The following PRKN variants were observed in gnomAD, a reference collection of about 807,000 sequenced individuals.
The protein encoded by PRKN is parkin RBR E3 ubiquitin protein ligase, also known as E3 ubiquitin-protein ligase parkin.
PRKN carries 56 observed loss-of-function variants against 59.5 expected under a neutral mutation model. The observed-to-expected ratio is 0.94, with a 90% confidence interval of 0.76 to 1.18. The LOEUF is 1.18. Ranked by LOEUF, PRKN falls within the 50% of genes most tolerant of loss-of-function variation. The probability of loss-of-function intolerance (pLI) is 0.00; values close to 1 mark genes in which losing one functional copy is unlikely to be tolerated. For missense variants in PRKN, 657 were observed against 596.4 expected (o/e 1.10, Z -1.06); for synonymous variants, 250 against 222.1 (o/e 1.13, Z -1.12).
At chr6:161,819,900 C>T (rs996213441) in intron 6 of PRKN, among the ~76,000 whole-genome samples, 3 of 152,076 alleles carry the variant, frequency 2.0e-5, no homozygotes, top group Non-Finnish European at 2.9e-5. Context: ...GTAAGAGATA[C>T]TTCAAAGCAT....
chr6:161,732,486 T>C (rs1787762263), intron 7 of PRKN, among the ~76,000 whole-genome samples: 1 of 111,408 alleles, frequency 9.0e-6, no homozygotes, highest in Non-Finnish European at 1.8e-5. Context: ...TTTTTTTTTT[T>C]GTGTGTGTGT....
intron 6 of PRKN, among the ~76,000 whole-genome samples, chr6:161,878,227 T>C (rs1014265912): frequency 2.6e-5 from 4 of 152,166 alleles, no homozygotes; most frequent in Admixed American, 2.6e-4. Flanking sequence ...TAGAAAGAAA[T>C]AAATTTTTAA....
intron 3 of PRKN, among the ~76,000 whole-genome samples, chr6:162,211,977 A>T (rs1482921324): frequency 6.6e-6 from 1 of 152,074 alleles, no homozygotes; most frequent in Non-Finnish European, 1.5e-5. Flanking sequence ...AACATAGATT[A>T]TTTTTTTCCT....
Position 161,470,921 on chromosome 6 carries a change from T to C in PRKN, c.1083+77933A>G, listed in dbSNP as rs557041298. ...CAAGAGAAGGGGTCTGGGCTGACTC[T>C]CCCAGTTCCACTAAGTTCTGGTAAA... On this transcript the variant is annotated intron_variant, in intron 9 of 11. Transcript: ENST00000366898. The surrounding 1 kb of genome is among the most constrained non-coding windows in gnomAD (Gnocchi z 5.1). Among the ~76,000 whole-genome samples the C allele has an allele frequency of 6.6e-6, 1 of 152,334 alleles. No individual in the cohort carries two copies. The highest frequency in any genetic ancestry group is 1.5e-5 in the Non-Finnish European group (1 of 68,030).
At chr6:161,771,885 C>T (rs1271691342) in intron 7 of PRKN, among the ~76,000 whole-genome samples, 1 of 152,210 alleles carries the variant, frequency 6.6e-6, no homozygotes, top group African/African-American at 2.4e-5. Context: ...AAATCAACCC[C>T]TCTAAGCACA....
chr6:162,385,144 G>T (rs887977126), intron 2 of PRKN, among the ~76,000 whole-genome samples: 4 of 152,076 alleles, frequency 2.6e-5, no homozygotes, highest in Non-Finnish European at 4.4e-5. Context: ...AGATACTTAT[G>T]GAACTCACAT....
chr6:161,745,817 A>C (rs1444781417), intron 7 of PRKN, among the ~76,000 whole-genome samples: 2 of 152,230 alleles, frequency 1.3e-5, no homozygotes, highest in East Asian at 3.8e-4. Flanking sequence ...TTTTCCAGTC[A>C]ATTAGACACA....
chr6:161,844,965 T>C (rs1250621398), intron 6 of PRKN, among the ~76,000 whole-genome samples: 1 of 152,230 alleles, frequency 6.6e-6, no homozygotes, highest in Non-Finnish European at 1.5e-5. Flanking sequence ...GAGCGTTTAC[T>C]AATAGAAAGT....
At chr6:161,746,561 A>G (rs950656255) in intron 7 of PRKN, among the ~76,000 whole-genome samples, 1 of 145,268 alleles carries the variant, frequency 6.9e-6, no homozygotes, top group Non-Finnish European at 1.5e-5. Context: ...ATTTTTTTAT[A>G]TATATATATT....
intron 1 of PRKN, among the ~76,000 whole-genome samples, chr6:162,525,138 A>G (rs962456967): frequency 6.6e-6 from 1 of 152,104 alleles, no homozygotes; most frequent in Admixed American, 6.5e-5. Context: ...TCCAAGCGCC[A>G]GTTAGTCCTG....
rs1468825009 is a variant in PRKN, at chr6:161,361,461, A to G, written c.1168-1256T>C. 6.6e-6 allele frequency among the ~76,000 whole-genome samples: 1 copy of G among 152,222 alleles called. No individual in the cohort carries two copies. Among genetic ancestry groups the G allele is most frequent in the Non-Finnish European group, 1.5e-5 (1 of 68,034 alleles). ...AGGCAAGTGAATGAATGAATGACGC[A>G]GCCCAGGAAGGCACTAAACTTTCAG... On this transcript the variant is annotated intron_variant, in intron 10 of 11. Coordinates refer to ENST00000366898, the MANE Select transcript of PRKN (RefSeq NM_004562.3). This position sits in a 1 kb window ranked among gnomAD's most constrained non-coding sequence, Gnocchi z 5.2.
chr6:162,058,592 G>GT (rs756196587), intron 4 of PRKN, among the ~76,000 whole-genome samples: 5 of 152,194 alleles, frequency 3.3e-5, no homozygotes, highest in Non-Finnish European at 5.9e-5. Context: ...TTCTCTGGAA[G>GT]TTTTTTCTGA....
chr6:161,458,242 A>G lies in PRKN; in HGVS notation c.1084-71365T>C, dbSNP rs73785941. Among the ~76,000 whole-genome samples, 2,675 of 152,310 alleles carry G rather than the reference A, an allele frequency of 0.018. 89 individuals carry two copies. The highest frequency in any genetic ancestry group is 0.061 in the African/African-American group (2,525 of 41,552). On this transcript the variant is annotated intron_variant, in intron 9 of 11. Coordinates refer to ENST00000366898, the MANE Select transcript of PRKN (RefSeq NM_004562.3). This position sits in a 1 kb window ranked among gnomAD's most constrained non-coding sequence, Gnocchi z 6.1. ...GCCTGGTGTCTCTGCTGCCACTTAC[A>G]GATTTCAGAAACGTGTTGTCATTCT...
chr6:161,437,934 T>C (rs1789002795), intron 9 of PRKN, among the ~76,000 whole-genome samples: 1 of 152,154 alleles, frequency 6.6e-6, no homozygotes, highest in Admixed American at 6.5e-5. Flanking sequence ...GGTGACTACT[T>C]GATTGGTAAA....
intron 2 of PRKN, among the ~76,000 whole-genome samples, chr6:162,353,158 G>T (rs1784695180): frequency 6.6e-6 from 1 of 152,108 alleles, no homozygotes; most frequent in Non-Finnish European, 1.5e-5. Context: ...TCGTGTGGCA[G>T]GTTGATTTAG....
chr6:162,405,565 A>C (rs1214403251), intron 2 of PRKN, among the ~76,000 whole-genome samples: 1 of 152,126 alleles, frequency 6.6e-6, no homozygotes, highest in Non-Finnish European at 1.5e-5. Flanking sequence ...TTACATGCTA[A>C]AGCTCTAAAC....
intron 7 of PRKN, among the ~76,000 whole-genome samples, chr6:161,691,382 A>G (rs1194945329): frequency 6.6e-6 from 1 of 152,198 alleles, no homozygotes; most frequent in Non-Finnish European, 1.5e-5. Flanking sequence ...TACTTTTACT[A>G]TATCTCTAAC....
At chr6:161,412,086 C>A (rs1440583108) in intron 9 of PRKN, among the ~76,000 whole-genome samples, 1 of 149,950 alleles carries the variant, frequency 6.7e-6, no homozygotes, top group Non-Finnish European at 1.5e-5. Context: ...TCATTCCTTC[C>A]TCACTCATTC....
At chr6:162,189,397 T>G (rs1035041814) in intron 4 of PRKN, among the ~76,000 whole-genome samples, 2 of 151,354 alleles carry the variant, frequency 1.3e-5, no homozygotes, top group Non-Finnish European at 2.9e-5. Context: ...ATTAGATGAC[T>G]GCAAAGTTGA....
Sources: allele counts gnomAD v4.1 joint callset (sites outside exome capture counted in the v4.1 genomes callset), GRCh38; gene constraint gnomAD v4.1.1; non-coding constraint Gnocchi (gnomAD v3.1); transcripts MANE v1.5; gene names NCBI Gene and HGNC (gene_info 2026-07-23, HGNC 2026-07-21).